The following RUNX2 variants were observed in gnomAD, a reference collection of about 807,000 sequenced individuals.
RUNX2 encodes RUNX family transcription factor 2.
Under a neutral mutation model 51.7 loss-of-function variants are expected in RUNX2, and 10 were observed. The ratio of observed to expected loss-of-function variants is 0.19; its 90% CI spans 0.12 to 0.33. The LOEUF (loss-of-function observed/expected upper bound fraction) is 0.33, where lower values mean the gene tolerates loss of function less well. Among genes scored for constraint, RUNX2 ranks in the 10% least tolerant of loss-of-function variants. The pLI is 1.00. For missense variants in RUNX2, 562 were observed against 691.3 expected (o/e 0.81, Z 2.10); for synonymous variants, 276 against 273.6 (o/e 1.01, Z -0.09).
At chr6:45,531,088 G>A (rs188373776) in intron 7 of RUNX2, among the ~76,000 whole-genome samples, 86 of 152,324 alleles carry the variant, frequency 5.6e-4, no homozygotes, top group Admixed American at 2.0e-3. Context: ...TTTGTTCAGG[G>A]TCATCAAGTG....
intron 5 of RUNX2, among the ~76,000 whole-genome samples, chr6:45,484,961 G>A (rs1434076299): frequency 6.6e-6 from 1 of 152,072 alleles, no homozygotes; most frequent in Non-Finnish European, 1.5e-5. Context: ...TTTACTCCAG[G>A]GATCATTGTC....
chr6:45,467,690 C>T (rs1158592164), intron 5 of RUNX2, among the ~76,000 whole-genome samples: 1 of 151,932 alleles, frequency 6.6e-6, no homozygotes, highest in Non-Finnish European at 1.5e-5. Flanking sequence ...TTCCTTTCTT[C>T]CTGTTTCCTT....
intron 3 of RUNX2, among the ~76,000 whole-genome samples, chr6:45,427,558 C>T (rs1798417735): frequency 6.6e-6 from 1 of 151,966 alleles, no homozygotes; most frequent in Admixed American, 6.5e-5. Context: ...ATAGGAATAA[C>T]ATTTTTGCTT....
At chr6:45,474,969 A>T (rs1799913639) in intron 5 of RUNX2, among the ~76,000 whole-genome samples, 1 of 152,002 alleles carries the variant, frequency 6.6e-6, no homozygotes, top group African/African-American at 2.4e-5. Flanking sequence ...GCTAGAAAGA[A>T]GCTTAATCTC....
intron 2 of RUNX2, among the ~76,000 whole-genome samples, chr6:45,355,859 T>C (rs997109852): frequency 1.3e-5 from 2 of 152,196 alleles, no homozygotes; most frequent in Non-Finnish European, 2.9e-5. Flanking sequence ...TTATTTTTGT[T>C]GAATAAATAA....
At chr6:45,362,501 G>A (rs1176332880) in intron 2 of RUNX2, among the ~76,000 whole-genome samples, 1 of 152,118 alleles carries the variant, frequency 6.6e-6, no homozygotes, top group African/African-American at 2.4e-5. Context: ...AGAATTAAAT[G>A]TATATTGAGT....
chr6:45,404,259 C>CAAAAAA (rs34529128), intron 2 of RUNX2, among the ~76,000 whole-genome samples: 7 of 26,930 alleles, frequency 2.6e-4, no homozygotes, highest in African/African-American at 2.8e-4. Context: ...GACTCTGTCT[C>CAAAAAA]AAAAAAAAAA....
chr6:45,501,152 C>G (rs543199228), intron 6 of RUNX2, among the ~76,000 whole-genome samples: 17 of 152,342 alleles, frequency 1.1e-4, no homozygotes, highest in Admixed American at 7.2e-4. Context: ...AGTGCTCTAG[C>G]CTGATGCTGC....
At chr6:45,545,370 A>G in intron 8 of RUNX2, 88 bp downstream of exon 8, 1 of 1,412,446 alleles carries the variant, frequency 7.1e-7, no homozygotes, top group Non-Finnish European at 9.6e-7. Context: ...AGTTTTGTTA[A>G]CTATATGTTG....
chr6:45,532,004 A>G (rs189410639), intron 7 of RUNX2, among the ~76,000 whole-genome samples: 1 of 152,136 alleles, frequency 6.6e-6, no homozygotes, highest in Non-Finnish European at 1.5e-5. Context: ...AACCTCCTTT[A>G]CTGCTAAATT....
chr6:45,418,507 A>G (rs1191916651), intron 2 of RUNX2, among the ~76,000 whole-genome samples: 2 of 152,224 alleles, frequency 1.3e-5, no homozygotes, highest in Non-Finnish European at 2.9e-5. Context: ...TTTGTTTCAA[A>G]CATTTTGACG....
At chr6:45,409,182 C>T (rs1158704208) in intron 2 of RUNX2, among the ~76,000 whole-genome samples, 1 of 152,096 alleles carries the variant, frequency 6.6e-6, no homozygotes, top group Admixed American at 6.6e-5. Context: ...AGAACACCAC[C>T]AATATTGGAA....
intron 2 of RUNX2, among the ~76,000 whole-genome samples, chr6:45,392,707 ATTTT>A (rs35963405): frequency 6.8e-6 from 1 of 147,240 alleles, no homozygotes; most frequent in Non-Finnish European, 1.5e-5. Flanking sequence ...GCCTAGATCT[ATTTT>A]TTTTTTTTTT....
In RUNX2 at chr6:45,422,783, T is replaced by TGCGGCGGCG; in HGVS notation, c.252_260dup (p.Ala87_Ala89dup). 5 of 1,429,610 alleles carry TGCGGCGGCG rather than the reference T, an allele frequency of 3.5e-6. No individual in the cohort carries two copies. Among genetic ancestry groups the TGCGGCGGCG allele is most frequent in the South Asian group, 2.8e-5 (2 of 72,334 alleles). 88.6% of individuals were successfully genotyped at this position (1,429,610 alleles called of 1,614,324 possible). A position where few individuals can be genotyped will look rare whatever the true frequency, so the allele number is the denominator to read the frequency against. Reference sequence around the variant, plus strand: ...CGGCGGCTGCGGCGGCGGCGGCGGCTGCGGCGGCGGCAGCTGCAGTGCCCC... The same window carrying TGCGGCGGCG: ...CGGCGGCTGCGGCGGCGGCGGCGGCTGCGGCGGCGGCGGCGGCGGCAGCTGCAGTGCCCC... On this transcript the variant is annotated inframe_insertion, in exon 3 of 9. Transcript: ENST00000647337.
chr6:45,333,174 C>T (rs895650258), intron 2 of RUNX2, among the ~76,000 whole-genome samples: 7 of 151,580 alleles, frequency 4.6e-5, no homozygotes, highest in Non-Finnish European at 7.4e-5. Context: ...AATATAATCT[C>T]TTGCCATTTC....
intron 2 of RUNX2, among the ~76,000 whole-genome samples, chr6:45,398,743 A>G (rs1722218696): frequency 6.6e-6 from 1 of 152,154 alleles, no homozygotes; most frequent in African/African-American, 2.4e-5. Flanking sequence ...TCCTTATAAC[A>G]TTAATAGCTA....
chr6:45,373,290 C>T (rs532222993), intron 2 of RUNX2, among the ~76,000 whole-genome samples: 1 of 152,176 alleles, frequency 6.6e-6, no homozygotes, highest in South Asian at 2.1e-4. Flanking sequence ...TACCCATTAA[C>T]TATGGGCCAG....
intron 5 of RUNX2, among the ~76,000 whole-genome samples, chr6:45,458,324 G>T (rs534743262): frequency 1.3e-5 from 2 of 152,278 alleles, no homozygotes; most frequent in African/African-American, 2.4e-5. Flanking sequence ...ACCGTGCCCG[G>T]CTTGGGGTAG....
chr6:45,541,166 AT>A (rs35035086), intron 7 of RUNX2, among the ~76,000 whole-genome samples: 17 of 148,998 alleles, frequency 1.1e-4, no homozygotes, highest in South Asian at 6.4e-4. Flanking sequence ...ATGCACTGAC[AT>A]TTTTTTTTTC....
Sources: gnomAD v4.1 joint callset for allele counts (sites outside exome capture counted in the v4.1 genomes callset) on GRCh38, gnomAD v4.1.1 for gene constraint, MANE v1.5 for transcripts, NCBI Gene and HGNC (gene_info 2026-07-23, HGNC 2026-07-21) for gene names.